IQSEC3: variants seen among roughly 807,000 people sequenced by gnomAD.
The protein encoded by IQSEC3 is IQ motif and Sec7 domain ArfGEF 3.
Under a neutral mutation model 105.4 loss-of-function variants are expected in IQSEC3, and 50 were observed. The ratio of observed to expected loss-of-function variants is 0.47; its 90% CI spans 0.38 to 0.60. The LOEUF (loss-of-function observed/expected upper bound fraction) is 0.60. IQSEC3 is among the 20% of genes least tolerant of loss of function. The pLI is 0.00. For synonymous variants in IQSEC3, 708 were observed against 746.0 expected (o/e 0.95, Z 0.83); for missense variants, 1,415 against 1,630.0 (o/e 0.87, Z 2.27).
At chr12:93,175 G>A (rs181422403) in intron 1 of IQSEC3, among the ~76,000 whole-genome samples, 1 of 152,326 alleles carries the variant, frequency 6.6e-6, no homozygotes, top group East Asian at 1.9e-4. Flanking sequence ...TGCACACAGG[G>A]ATTGTGATCC....
intron 1 of IQSEC3, among the ~76,000 whole-genome samples, chr12:74,039 T>C (rs1321906901): frequency 6.6e-6 from 1 of 152,256 alleles, no homozygotes; most frequent in Non-Finnish European, 1.5e-5. Context: ...CGATGCCCCA[T>C]GGTGAGAACA....
intron 7 of IQSEC3, 133 bp from the exon 8 acceptor site, chr12:161,793 T>C: frequency 1.3e-6 from 1 of 794,822 alleles, no homozygotes. Context: ...CACCAGCCAT[T>C]GAAGGCATGG....
intron 2 of IQSEC3, among the ~76,000 whole-genome samples, chr12:108,391 G>A (rs1555078602): frequency 6.6e-6 from 1 of 152,200 alleles, no homozygotes. Flanking sequence ...ACAGGTTTGG[G>A]CTGAGCAGTT....
chr12:126,482 C>T (rs1438077703), intron 3 of IQSEC3, among the ~76,000 whole-genome samples: 6 of 151,916 alleles, frequency 3.9e-5, no homozygotes, highest in African/African-American at 1.2e-4. Flanking sequence ...GTGGGGCCCC[C>T]ATTGAACCCC....
intron 1 of IQSEC3, among the ~76,000 whole-genome samples, chr12:78,726 G>T (rs1443833281): frequency 2.0e-5 from 3 of 152,082 alleles, no homozygotes; most frequent in Non-Finnish European, 2.9e-5. Flanking sequence ...TTTCCCGTTC[G>T]TAAAATAAGG....
intron 2 of IQSEC3, among the ~76,000 whole-genome samples, chr12:102,144 C>CCCCCATCAGTCTGGCTCCT (rs1555076343): frequency 6.9e-6 from 1 of 145,584 alleles, no homozygotes; most frequent in East Asian, 2.1e-4. Context: ...TCTGGCTCCT[C>CCCCCATCAGTCTGGCTCCT]CCCCATCAGT....
chr12:154,646 C>T (rs1238969842), intron 5 of IQSEC3, among the ~76,000 whole-genome samples: 1 of 152,132 alleles, frequency 6.6e-6, no homozygotes. Context: ...TCTGGCCGCT[C>T]CATGCCGCCC....
intron 1 of IQSEC3, among the ~76,000 whole-genome samples, chr12:70,572 ACGGCATCTACAGAATTTATTACTATCC>A (rs1555067217): frequency 6.6e-6 from 1 of 152,386 alleles, no homozygotes; most frequent in Admixed American, 6.5e-5. Context: ...ATCAAGGCTC[ACGGCATCTACAGAATTTATTACTATCC>A]CTTTCCTGGC....
intron 3 of IQSEC3, among the ~76,000 whole-genome samples, chr12:137,249 T>C (rs1403074860): frequency 2.0e-5 from 3 of 152,148 alleles, no homozygotes; most frequent in Non-Finnish European, 2.9e-5. Flanking sequence ...CCTTCTGATG[T>C]TCCCAGGGAA....
intron 5 of IQSEC3, among the ~76,000 whole-genome samples, chr12:146,051 T>C (rs1866254643): frequency 1.3e-5 from 2 of 152,234 alleles, no homozygotes; most frequent in African/African-American, 4.8e-5. Flanking sequence ...GACGTTTGGG[T>C]CAGATTTCAT....
At chr12:75,240 G>T (rs1264753873) in intron 1 of IQSEC3, among the ~76,000 whole-genome samples, 1 of 152,274 alleles carries the variant, frequency 6.6e-6, no homozygotes, top group Non-Finnish European at 1.5e-5. Flanking sequence ...TGGGGTAGCA[G>T]TGGTTAACTA....
chr12:126,021 A>ACC (rs1865393058), intron 3 of IQSEC3, 109 bp downstream of exon 3: 1 of 1,142,740 alleles, frequency 8.8e-7, no homozygotes, highest in African/African-American at 1.6e-5. Context: ...CTACAGGCAC[A>ACC]CCTCTTTTGC....
At position 139,314 on chromosome 12, in the gene IQSEC3, C is replaced by T. The variant is rs1865921721; in HGVS notation, c.1951C>T (p.Arg651Cys). The T allele has an allele frequency of 1.3e-6, 2 of 1,596,300 alleles. No homozygotes were observed. Among genetic ancestry groups the T allele is most frequent in the Non-Finnish European group, 1.7e-6 (2 of 1,172,236 alleles). Residue 651 changes from arginine (R) to cysteine (C), a missense_variant, in exon 4 of 14, where the codon CGC (arginine) becomes TGC (cysteine). Arg to Cys is a radical substitution (Grantham distance 180). Coordinates refer to ENST00000538872, the MANE Select transcript of IQSEC3 (RefSeq NM_001170738.2). ...KSPTLSTDTL[R>C]KRLYRIGLNL... ...GCCCACGCTCTCCACCGACACCCTG[C>T]GCAAGCGGCTCTACCGCATCGGCCT...
chr12:87,093 A>G (rs1185352592), intron 1 of IQSEC3, among the ~76,000 whole-genome samples: 1 of 151,852 alleles, frequency 6.6e-6, no homozygotes, highest in South Asian at 2.1e-4. Context: ...AAATAACAAA[A>G]CAGATCTCTG....
At chr12:68,897 T>C (rs879999321) in intron 1 of IQSEC3, among the ~76,000 whole-genome samples, 2 of 152,208 alleles carry the variant, frequency 1.3e-5, no homozygotes, top group Admixed American at 1.3e-4. Flanking sequence ...ACTTAAAACA[T>C]TTGATTCAAG....
At position 152,008 on chromosome 12, in the gene IQSEC3, G is replaced by A. The variant is rs1424598061; in HGVS notation, c.2154-5017G>A. On this transcript the variant is annotated intron_variant, in intron 5 of 13. Transcript: ENST00000538872. The surrounding 1 kb of genome is among the most constrained non-coding windows in gnomAD (Gnocchi z 4.8). ...TACATAGAACTCATCATGACTATAG[G>A]TAAAGAATTATTTTTGACTCTGTGT... is the stretch of plus-strand genomic sequence containing the variant. Among the ~76,000 whole-genome samples the A allele has an allele frequency of 6.6e-6, 1 of 152,036 alleles. No homozygotes were observed. Among genetic ancestry groups the A allele is most frequent in the Non-Finnish European group, 1.5e-5 (1 of 68,010 alleles).
chr12:126,572 TGC>T lies in IQSEC3; in HGVS notation c.903+663_903+664del, dbSNP rs1555083592. ...GTGTGTGTGTGTGTGTGTGTGTGTG[TGC>T]GCTTAGAGAAAGGTGTGATGGTGTG... On this transcript the variant is annotated intron_variant, in intron 3 of 13. Coordinates refer to ENST00000538872, the MANE Select transcript of IQSEC3 (RefSeq NM_001170738.2). Among the ~76,000 whole-genome samples, 52 of 151,500 alleles carry T rather than the reference TGC, an allele frequency of 3.4e-4. No homozygotes were observed. In the South Asian group the frequency reaches 4.6e-3, roughly 13 times the overall value.
chr12:88,170 G>A (rs935897508), intron 1 of IQSEC3, among the ~76,000 whole-genome samples: 3 of 152,146 alleles, frequency 2.0e-5, no homozygotes, highest in Non-Finnish European at 4.4e-5. Context: ...ATATTCCTAA[G>A]ACATAAAACT....
intron 13 of IQSEC3, among the ~76,000 whole-genome samples, chr12:171,907 C>T (rs573907112): frequency 2.6e-5 from 4 of 152,098 alleles, no homozygotes; most frequent in African/African-American, 4.8e-5. Context: ...GAAGACCCAG[C>T]AGCAGCTGGT....
Sources: gnomAD v4.1 joint callset for allele counts (sites outside exome capture counted in the v4.1 genomes callset) on GRCh38, gnomAD v4.1.1 for gene constraint, Gnocchi (gnomAD v3.1) non-coding constraint, MANE v1.5 for transcripts, NCBI Gene and HGNC (gene_info 2026-07-23, HGNC 2026-07-21) for gene names.